Variants in CATSPERE observed in about 807,000 individuals in gnomAD.
The protein encoded by CATSPERE is catsper channel auxiliary subunit epsilon, also known as cation channel sperm-associated auxiliary subunit epsilon.
In CATSPERE, 93 loss-of-function variants were observed where a neutral mutation model predicts 114.1. The ratio of observed to expected loss-of-function variants is 0.81; its 90% CI spans 0.69 to 0.97. The LOEUF (loss-of-function observed/expected upper bound fraction) is 0.97, where lower values mean the gene tolerates loss of function less well. Ranked by LOEUF, CATSPERE falls within the 50% of genes least tolerant of loss-of-function variation. The probability of loss-of-function intolerance (pLI) is 0.00; values close to 1 mark genes in which losing one functional copy is unlikely to be tolerated. For missense variants in CATSPERE, 1,058 were observed against 1,131.6 expected (o/e 0.93, Z 0.93); for synonymous variants, 341 against 384.1 (o/e 0.89, Z 1.31).
At chr1:244,540,617 G>A (rs1658515693) in intron 8 of CATSPERE, among the ~76,000 whole-genome samples, 1 of 149,416 alleles carries the variant, frequency 6.7e-6, no homozygotes, top group African/African-American at 2.5e-5. Flanking sequence ...TCCCCATCAA[G>A]CTACCAATGA....
chr1:244,531,692 A>G (rs1428724498), intron 8 of CATSPERE, among the ~76,000 whole-genome samples: 2 of 152,164 alleles, frequency 1.3e-5, no homozygotes, highest in African/African-American at 2.4e-5. Flanking sequence ...CTTGGTCATA[A>G]TGAATGATAT....
chr1:244,461,522 G>A (rs1163509397), intron 1 of CATSPERE, 28 bp downstream of exon 1: 3 of 1,281,910 alleles, frequency 2.3e-6, no homozygotes, highest in Middle Eastern at 2.1e-4. Context: ...GCAGGCGAGC[G>A]ACTAGGCGGG....
chr1:244,618,168 C>T (rs1236602410), intron 20 of CATSPERE, among the ~76,000 whole-genome samples: 1 of 152,178 alleles, frequency 6.6e-6, no homozygotes, highest in African/African-American at 2.4e-5. Context: ...CACAGAACAT[C>T]AGTAGAATTT....
intron 8 of CATSPERE, among the ~76,000 whole-genome samples, chr1:244,528,789 A>G (rs9988493): frequency 1.2e-3 from 154 of 129,352 alleles, no homozygotes; most frequent in African/African-American, 5.2e-3. Flanking sequence ...CCCCCACCAC[A>G]CACACACACA....
chr1:244,611,121 C>T (rs1302565754), intron 19 of CATSPERE, among the ~76,000 whole-genome samples: 1 of 152,148 alleles, frequency 6.6e-6, no homozygotes, highest in East Asian at 1.9e-4. Context: ...ACATAGCCTA[C>T]TTTCAAAATC....
At chr1:244,508,526 A>C (rs561822980) in intron 7 of CATSPERE, among the ~76,000 whole-genome samples, 11 of 151,056 alleles carry the variant, frequency 7.3e-5, no homozygotes, top group African/African-American at 2.2e-4. Flanking sequence ...TGGTCTCAAT[A>C]CCCTGACCTT....
chr1:244,557,692 T>C (rs1276825596), intron 9 of CATSPERE, among the ~76,000 whole-genome samples: 6 of 149,730 alleles, frequency 4.0e-5, no homozygotes, highest in African/African-American at 1.5e-4. Context: ...ATTGAGTTTC[T>C]TGGATTTCTG....
chr1:244,620,866 A>T (rs191717400), intron 20 of CATSPERE, among the ~76,000 whole-genome samples: 1 of 150,602 alleles, frequency 6.6e-6, no homozygotes, highest in African/African-American at 2.5e-5. Context: ...ACAAGGCAAC[A>T]TGTAGGACAA....
intron 13 of CATSPERE, among the ~76,000 whole-genome samples, chr1:244,586,242 C>A (rs1332240699): frequency 3.3e-5 from 5 of 152,128 alleles, no homozygotes; most frequent in African/African-American, 1.2e-4. Context: ...CAATATCCAC[C>A]TACAGGTTAA....
intron 8 of CATSPERE, among the ~76,000 whole-genome samples, chr1:244,527,861 C>G (rs1354117296): frequency 6.6e-6 from 1 of 152,166 alleles, no homozygotes; most frequent in Non-Finnish European, 1.5e-5. Flanking sequence ...AGCAGTCCTC[C>G]CATCTCAGCC....
rs1220966898 is a variant in CATSPERE at position 244,621,080 on chromosome 1, TATAA to T, written c.2648+3398_2648+3401del. Among the ~76,000 whole-genome samples, 103 of 70,598 alleles carry T rather than the reference TATAA, an allele frequency of 1.5e-3. 5 individuals are homozygous for T. Among genetic ancestry groups the T allele is most frequent in the African/African-American group, 5.6e-3 (101 of 17,952 alleles). 46.3% of individuals were successfully genotyped at this position (70,598 alleles called of 152,430 possible). ...TATATAAATATATATAAAATATATA[TATAA>T]ATATATATAAAATATATATAAATAT... On this transcript the variant is annotated intron_variant, in intron 20 of 21. Transcript: ENST00000366534.
chr1:244,528,825 A>ACG (rs1471635883), intron 8 of CATSPERE, among the ~76,000 whole-genome samples: 2 of 147,282 alleles, frequency 1.4e-5, no homozygotes, highest in African/African-American at 5.0e-5. Flanking sequence ...ACACACACAC[A>ACG]CTCTACTCTT....
At chr1:244,501,986 C>G (rs1043000519) in intron 7 of CATSPERE, among the ~76,000 whole-genome samples, 1 of 152,166 alleles carries the variant, frequency 6.6e-6, no homozygotes, top group Non-Finnish European at 1.5e-5. Flanking sequence ...GCACATCAAC[C>G]GCGCAGCCAT....
intron 2 of CATSPERE, among the ~76,000 whole-genome samples, chr1:244,471,896 G>A (rs1668531773): frequency 6.6e-6 from 1 of 152,146 alleles, no homozygotes; most frequent in African/African-American, 2.4e-5. Context: ...CTAGGAATGG[G>A]ATTACTGTGT....
Position 244,606,609 on chromosome 1 carries a change from T to TC in CATSPERE, c.2403+815_2403+816insC, listed in dbSNP as rs1399501877. ...ATTGCAAGAATTCTTTCTTTTGCTT[T>TC]TTTTTTTTTTTTTTAAGAGTCTCGC... On this transcript the variant is annotated intron_variant, in intron 18 of 21. Coordinates refer to ENST00000366534, the MANE Select transcript of CATSPERE (RefSeq NM_001130957.2). 4.2e-4 allele frequency among the ~76,000 whole-genome samples: 62 copies of TC among 149,112 alleles called. No individual in the cohort carries two copies. The East Asian group carries it at 0.011, about 25-fold the overall frequency.
intron 20 of CATSPERE, among the ~76,000 whole-genome samples, chr1:244,635,248 A>G (rs917234276): frequency 6.6e-6 from 1 of 152,212 alleles, no homozygotes; most frequent in African/African-American, 2.4e-5. Flanking sequence ...GGGAACCACT[A>G]TCAAAATGAT....
chr1:244,618,937 G>A (rs916028316), intron 20 of CATSPERE, among the ~76,000 whole-genome samples: 4 of 152,178 alleles, frequency 2.6e-5, no homozygotes, highest in Non-Finnish European at 5.9e-5. Flanking sequence ...GATCTAACGT[G>A]GCAAGTAAAG....
intron 6 of CATSPERE, 35 bp downstream of exon 6, chr1:244,490,506 A>C (rs764028425): frequency 8.3e-7 from 1 of 1,198,986 alleles, no homozygotes. Context: ...TAGCCTTCAT[A>C]TATCACTAGT....
intron 7 of CATSPERE, among the ~76,000 whole-genome samples, chr1:244,505,578 A>T (rs1674695570): frequency 6.6e-6 from 1 of 152,122 alleles, no homozygotes; most frequent in African/African-American, 2.4e-5. Context: ...CTTAGCTGTA[A>T]TCTCCTACCT....
Sources: allele counts gnomAD v4.1 joint callset (sites outside exome capture counted in the v4.1 genomes callset), GRCh38; gene constraint gnomAD v4.1.1; transcripts MANE v1.5; gene names NCBI Gene and HGNC (gene_info 2026-07-23, HGNC 2026-07-21).